Variants in TRPM3 observed in about 807,000 individuals in gnomAD.
TRPM3 encodes the protein transient receptor potential cation channel subfamily M member 3, also known as long transient receptor potential channel 3.
A neutral mutation model predicts 181.2 loss-of-function variants in TRPM3; 77 were observed. The observed-to-expected ratio is 0.42, with a 90% CI of 0.35 to 0.51. The LOEUF is 0.51. Among genes scored for constraint, TRPM3 ranks in the 20% least tolerant of loss-of-function variants. TRPM3 has a pLI of 0.01. For synonymous variants in TRPM3, 745 were observed against 796.4 expected, an observed-to-expected ratio of 0.94 and a Z score of 1.09; for missense variants, 1,759 against 2,196.7, an observed-to-expected ratio of 0.80 and a Z score of 3.98.
intron 8 of TRPM3, among the ~76,000 whole-genome samples, chr9:70,751,405 C>A (rs2076112747): frequency 6.6e-6 from 1 of 152,080 alleles, no homozygotes; most frequent in African/African-American, 2.4e-5. Flanking sequence ...ATAAGCCTAA[C>A]AACATCATCT....
intron 1 of TRPM3, chr9:70,917,077 C>T (rs1015209000): frequency 5.6e-6 from 9 of 1,598,088 alleles, no homozygotes; most frequent in Non-Finnish European, 7.7e-6. Flanking sequence ...GAGGAAAGCA[C>T]TGCAACAGGT....
chr9:70,953,358 G>A (rs1251147084), intron 1 of TRPM3, among the ~76,000 whole-genome samples: 1 of 151,972 alleles, frequency 6.6e-6, no homozygotes, highest in Non-Finnish European at 1.5e-5. Context: ...CAGCCTTAGG[G>A]GAAGATTACT....
intron 1 of TRPM3, among the ~76,000 whole-genome samples, chr9:70,996,361 T>C (rs2097541295): frequency 6.6e-6 from 1 of 152,094 alleles, no homozygotes; most frequent in Non-Finnish European, 1.5e-5. Context: ...AAAGAAACAA[T>C]CTCCACTTTT....
chr9:70,945,066 C>G (rs1475962565), intron 1 of TRPM3, among the ~76,000 whole-genome samples: 1 of 152,148 alleles, frequency 6.6e-6, no homozygotes, highest in Non-Finnish European at 1.5e-5. Context: ...AAGAAGTCCT[C>G]TAGGGGTGAA....
chr9:71,084,505 A>T (rs2064945764), intron 1 of TRPM3, among the ~76,000 whole-genome samples: 1 of 152,052 alleles, frequency 6.6e-6, no homozygotes, highest in Non-Finnish European at 1.5e-5. Flanking sequence ...CCAAATCAAG[A>T]ATGCAATCTC....
chr9:70,926,159 G>T (rs2096719553), intron 1 of TRPM3, among the ~76,000 whole-genome samples: 1 of 152,082 alleles, frequency 6.6e-6, no homozygotes, highest in Non-Finnish European at 1.5e-5. Context: ...CTGGCAAGGA[G>T]AGGACCTACA....
At chr9:71,103,946 G>GT (rs2068925684) in intron 1 of TRPM3, among the ~76,000 whole-genome samples, 1 of 150,378 alleles carries the variant, frequency 6.6e-6, no homozygotes, top group Non-Finnish European at 1.5e-5. Context: ...ACAGAGTCTC[G>GT]TTTTGTTGCC....
At chr9:70,629,228 G>T (rs1159644357) in intron 12 of TRPM3, among the ~76,000 whole-genome samples, 2 of 80,304 alleles carry the variant, frequency 2.5e-5, no homozygotes, top group African/African-American at 8.5e-5. Context: ...GGGGGGGGGG[G>T]GCCTGCGTTC....
chr9:70,858,730 C>T lies in TRPM3; in HGVS notation c.462+4178G>A, dbSNP rs538532703. Among the ~76,000 whole-genome samples, 9 of 151,848 alleles carry T rather than the reference C, an allele frequency of 5.9e-5. No homozygotes were observed. The South Asian group carries it at 1.5e-3, about 25-fold the overall frequency. On this transcript the variant is annotated intron_variant, in intron 3 of 25. Coordinates refer to ENST00000677713, the MANE Select transcript of TRPM3 (RefSeq NM_001366145.2). ...CTAGCCTCAGAGCCAGCTTTGTGGGCGTGGGACCAATATAGTCACACTATT... is the reference window on the plus strand; with the variant it reads ...CTAGCCTCAGAGCCAGCTTTGTGGGTGTGGGACCAATATAGTCACACTATT...
intron 12 of TRPM3, among the ~76,000 whole-genome samples, chr9:70,626,949 T>A (rs961252259): frequency 2.0e-5 from 3 of 152,192 alleles, no homozygotes; most frequent in Admixed American, 6.5e-5. Flanking sequence ...GAGAGCCTCT[T>A]ATAATATGCC....
At chr9:71,247,030 T>C (rs2082072116) in intron 1 of TRPM3, among the ~76,000 whole-genome samples, 1 of 152,136 alleles carries the variant, frequency 6.6e-6, no homozygotes, top group Non-Finnish European at 1.5e-5. Flanking sequence ...AAAATTACTT[T>C]AGCAAAGGAC....
intron 1 of TRPM3, among the ~76,000 whole-genome samples, chr9:71,427,272 CTG>C (rs2093881280): frequency 6.6e-6 from 1 of 152,150 alleles, no homozygotes; most frequent in African/African-American, 2.4e-5. Flanking sequence ...GGTTCTCAAA[CTG>C]TCATGCCCAG....
intron 1 of TRPM3, among the ~76,000 whole-genome samples, chr9:71,160,011 T>C (rs1011982462): frequency 6.6e-6 from 1 of 152,100 alleles, no homozygotes; most frequent in Admixed American, 6.6e-5. Context: ...CCCTATGGAC[T>C]CACCTCCCTA....
At chr9:70,873,175 C>A (rs115336927) in intron 1 of TRPM3, among the ~76,000 whole-genome samples, 1 of 152,074 alleles carries the variant, frequency 6.6e-6, no homozygotes, top group African/African-American at 2.4e-5. Flanking sequence ...CAGGACCAAG[C>A]GCTCTTAAAT....
At chr9:71,275,260 C>T (rs2084107635) in intron 1 of TRPM3, among the ~76,000 whole-genome samples, 1 of 152,074 alleles carries the variant, frequency 6.6e-6, no homozygotes, top group Non-Finnish European at 1.5e-5. Flanking sequence ...AGCAACAAAG[C>T]TTTAAAATGT....
chr9:71,159,405 G>A (rs1303375466), intron 1 of TRPM3, among the ~76,000 whole-genome samples: 8 of 151,842 alleles, frequency 5.3e-5, no homozygotes, highest in Admixed American at 3.9e-4. Context: ...AATAAGGCTC[G>A]GCTACTCCAT....
intron 1 of TRPM3, among the ~76,000 whole-genome samples, chr9:71,253,943 T>A (rs1355682401): frequency 6.6e-6 from 1 of 152,158 alleles, no homozygotes; most frequent in Non-Finnish European, 1.5e-5. Flanking sequence ...ATTATTGAGA[T>A]GGAGTCTTGC....
At chr9:70,923,957 C>T (rs2096692107) in intron 1 of TRPM3, among the ~76,000 whole-genome samples, 1 of 151,196 alleles carries the variant, frequency 6.6e-6, no homozygotes, top group African/African-American at 2.4e-5. Flanking sequence ...TACACACACA[C>T]ACATATATAT....
intron 1 of TRPM3, among the ~76,000 whole-genome samples, chr9:71,275,970 T>C (rs188081204): frequency 7.0e-4 from 106 of 151,874 alleles, no homozygotes; most frequent in African/African-American, 2.5e-3. Flanking sequence ...GCCTCCAGAG[T>C]AGCTGAGACT....
Sources: allele counts gnomAD v4.1 joint callset (sites outside exome capture counted in the v4.1 genomes callset), GRCh38; gene constraint gnomAD v4.1.1; transcripts MANE v1.5; gene names NCBI Gene and HGNC (gene_info 2026-07-23, HGNC 2026-07-21).